Variants in USP8 observed in about 807,000 individuals in gnomAD.
The protein encoded by USP8 is ubiquitin carboxyl-terminal hydrolase 8.
In USP8, 27 loss-of-function variants were observed where a neutral mutation model predicts 130.0. That is an observed-to-expected ratio of 0.21 (90% CI 0.15 to 0.29). USP8 has a LOEUF of 0.29. Ranked by LOEUF, USP8 falls within the 10% of genes least tolerant of loss-of-function variation. The pLI, the probability that USP8 is intolerant of heterozygous loss-of-function variation, is 1.00. For synonymous variants in USP8, 392 were observed against 444.1 expected, an observed-to-expected ratio of 0.88 and a Z score of 1.48; for missense variants, 1,029 against 1,312.2, an observed-to-expected ratio of 0.78 and a Z score of 3.33.
chr15:50,432,911 G>C (rs1299341675), intron 1 of USP8, among the ~76,000 whole-genome samples: 1 of 152,142 alleles, frequency 6.6e-6, no homozygotes, highest in Non-Finnish European at 1.5e-5. Flanking sequence ...ATCTTGAGAG[G>C]GTTGAGCCTT....
intron 5 of USP8, 49 bp from the exon 6 acceptor site, chr15:50,462,230 AT>A: frequency 3.2e-6 from 5 of 1,540,700 alleles, no homozygotes; most frequent in Non-Finnish European, 3.5e-6. Context: ...TTAAAGTTGA[AT>A]TTTTTGTGTC....
intron 5 of USP8, among the ~76,000 whole-genome samples, chr15:50,460,161 C>A (rs1208101034): frequency 4.0e-5 from 6 of 151,586 alleles, no homozygotes; most frequent in African/African-American, 1.5e-4. Flanking sequence ...CCACACCCGG[C>A]TAATTTTTGT....
chr15:50,424,540 A>G (rs975878512), intron 1 of USP8, 26 bp downstream of exon 1: 1 of 398,410 alleles, frequency 2.5e-6, no homozygotes, highest in Non-Finnish European at 4.4e-6. Flanking sequence ...GGGCCCTAGC[A>G]CCTGTTCTCT....
At chr15:50,426,634 C>T (rs893528736) in intron 1 of USP8, among the ~76,000 whole-genome samples, 1 of 152,192 alleles carries the variant, frequency 6.6e-6, no homozygotes, top group Admixed American at 6.5e-5. Flanking sequence ...AATGCCCACA[C>T]ATAGCCTCTT....
At chr15:50,498,418 T>C in intron 18 of USP8, 178 bp from the exon 19 acceptor site, 1 of 770,774 alleles carries the variant, frequency 1.3e-6, no homozygotes, top group Non-Finnish European at 1.9e-6. Flanking sequence ...TCAGTTTTCT[T>C]GTTTGTAAAA....
chr15:50,449,573 A>C lies in USP8; in HGVS notation c.335+88A>C. ...TTTACCGATTTATATCTGACGATTC[A>C]TATAATATTCCAATTTTTTTTTGAG... On this transcript the variant is annotated intron_variant, in intron 4 of 19. Coordinates refer to ENST00000307179, the MANE Select transcript of USP8 (RefSeq NM_005154.5). The C allele has an allele frequency of 4.0e-6, 4 of 1,007,640 alleles. No individual in the cohort carries two copies. The South Asian group carries it at 6.5e-5, about 16-fold the overall frequency. 62.4% of individuals were successfully genotyped at this position (1,007,640 alleles called of 1,614,324 possible).
chr15:50,434,819 C>T (rs531978928), intron 1 of USP8, among the ~76,000 whole-genome samples: 1 of 152,084 alleles, frequency 6.6e-6, no homozygotes, highest in Admixed American at 6.6e-5. Flanking sequence ...GAGGTTTCAC[C>T]ATGTTGGCCA....
intron 3 of USP8, among the ~76,000 whole-genome samples, chr15:50,442,645 T>G (rs2050298555): frequency 6.6e-6 from 1 of 152,076 alleles, no homozygotes; most frequent in African/African-American, 2.4e-5. Context: ...CTTGGGAGGC[T>G]GAGACAGGAG....
At chr15:50,467,110 TTAATAAATTGATTACTGG>T (rs1213848072) in intron 7 of USP8, 1 of 448,574 alleles carries the variant, frequency 2.2e-6, no homozygotes, top group Non-Finnish European at 3.8e-6. Context: ...GTCAACTATT[TTAATAAATTGATTACTGG>T]TTGTTAAAAA....
chr15:50,460,532 C>T (rs2141279841), intron 5 of USP8, among the ~76,000 whole-genome samples: 1 of 152,064 alleles, frequency 6.6e-6, no homozygotes, highest in South Asian at 2.1e-4. Context: ...TGTTCTTGAA[C>T]TCCTGACCTC....
intron 8 of USP8, among the ~76,000 whole-genome samples, chr15:50,476,097 C>G (rs2051558310): frequency 6.6e-6 from 1 of 151,912 alleles, no homozygotes; most frequent in South Asian, 2.1e-4. Flanking sequence ...GGGAAAAAAC[C>G]CAAATGTTCA....
At position 50,501,979 on chromosome 15, in the gene USP8, C is replaced by T. The variant is rs561717414; in HGVS notation, c.*2891C>T. 1 of 152,174 alleles carries T rather than the reference C, an allele frequency of 6.6e-6. No individual in the cohort carries two copies. Among genetic ancestry groups the T allele is most frequent in the Non-Finnish European group, 1.5e-5 (1 of 68,030 alleles). The allele number at this position is 152,174 out of a possible 1,614,324, so 9.4% of individuals were successfully genotyped here. A position where few individuals can be genotyped will look rare whatever the true frequency, so the allele number is the denominator to read the frequency against. On this transcript the variant is annotated 3_prime_UTR_variant, in exon 20 of 20. Transcript: ENST00000307179. Reference sequence around the variant, plus strand: ...CTTTTCAGTGGCTGCTTTAATGATACAACAGTAAAACTGAATAGTTGCAGC... The same window carrying T: ...CTTTTCAGTGGCTGCTTTAATGATATAACAGTAAAACTGAATAGTTGCAGC...
rs765286451 is a variant in USP8, at chr15:50,510,034, T to C, written c.*10946T>C. The C allele has an allele frequency of 1.1e-4, 16 of 152,176 alleles. No homozygotes were observed. Among genetic ancestry groups the C allele is most frequent in the Non-Finnish European group, 1.9e-4 (13 of 67,990 alleles). The allele number at this position is 152,176 out of a possible 1,614,324, so 9.4% of individuals were successfully genotyped here. On this transcript the variant is annotated 3_prime_UTR_variant, in exon 20 of 20. Coordinates refer to ENST00000307179, the MANE Select transcript of USP8 (RefSeq NM_005154.5). The stretch of plus-strand genomic sequence containing the variant: ...TAATATTCATAAGCTAAATTAAGAA[T>C]TAATTCAATATTAATTTAATAAATT...
In USP8 at chr15:50,503,870, G is replaced by A. The variant is rs560802915; in HGVS notation, c.*4782G>A. 6.6e-6 allele frequency: 1 copy of A among 152,250 alleles called. No individual in the cohort carries two copies. The highest frequency in any genetic ancestry group is 2.4e-5 in the African/African-American group (1 of 41,530). The allele number at this position is 152,250 out of a possible 1,614,324, so 9.4% of individuals were successfully genotyped here. A position where few individuals can be genotyped will look rare whatever the true frequency, so the allele number is the denominator to read the frequency against. On this transcript the variant is annotated 3_prime_UTR_variant, in exon 20 of 20. Transcript: ENST00000307179. ...CATGCAAGGAAACAATTTATCATAA[G>A]AGTCAGAAGGCAATAAGATTTAAAC...
chr15:50,459,413 G>A (rs896214456), intron 5 of USP8, among the ~76,000 whole-genome samples: 10 of 152,144 alleles, frequency 6.6e-5, no homozygotes, highest in African/African-American at 2.2e-4. Context: ...GCGAAACCCC[G>A]ACTCTACTAA....
At chr15:50,497,254 C>CT (rs778242995) in intron 18 of USP8, 23 bp downstream of exon 18, 870 of 1,576,590 alleles carry the variant, frequency 5.5e-4, no homozygotes, top group Non-Finnish European at 7.1e-4. Flanking sequence ...GTTTGTCCTC[C>CT]TGTTCAGTGA....
chr15:50,493,615 C>G (rs904651187), intron 15 of USP8: 1 of 429,998 alleles, frequency 2.3e-6, no homozygotes, highest in Middle Eastern at 8.7e-4. Context: ...TGTGGTGATA[C>G]ATGCCTATAG....
intron 18 of USP8, chr15:50,498,181 TAGTC>T (rs1405249664): frequency 6.4e-6 from 1 of 156,668 alleles, no homozygotes; most frequent in Non-Finnish European, 1.4e-5. Context: ...GACATTATTT[TAGTC>T]AGTAGTCTCC....
At chr15:50,483,618 C>T (rs778529792) in intron 11 of USP8, among the ~76,000 whole-genome samples, 7 of 152,116 alleles carry the variant, frequency 4.6e-5, no homozygotes, top group Non-Finnish European at 8.8e-5. Flanking sequence ...CACGGTAAAA[C>T]CCTGTCTCCA....
Sources: gnomAD v4.1 joint callset for allele counts (sites outside exome capture counted in the v4.1 genomes callset) on GRCh38, gnomAD v4.1.1 for gene constraint, MANE v1.5 for transcripts, NCBI Gene and HGNC (gene_info 2026-07-23, HGNC 2026-07-21) for gene names.